ABLIM2: variants seen among roughly 807,000 people sequenced by gnomAD.
ABLIM2 encodes actin-binding LIM protein 2.
A neutral mutation model predicts 97.7 loss-of-function variants in ABLIM2; 53 were observed. That is an observed-to-expected ratio of 0.54 (90% CI 0.44 to 0.68). ABLIM2 has a LOEUF of 0.68. Ranked by LOEUF, ABLIM2 falls within the 30% of genes least tolerant of loss-of-function variation. The probability of loss-of-function intolerance (pLI) is 0.00; values close to 1 mark genes in which losing one functional copy is unlikely to be tolerated. For missense variants in ABLIM2, 835 were observed against 867.2 expected, an observed-to-expected ratio of 0.96 and a Z score of 0.47; for synonymous variants, 361 against 345.8, an observed-to-expected ratio of 1.04 and a Z score of -0.49.
In ABLIM2 at chr4:8,027,708, C is replaced by T. The variant is rs184871423; in HGVS notation, c.1267+51G>A. On this transcript the variant is annotated intron_variant, in intron 12 of 20. Coordinates refer to ENST00000447017, the MANE Select transcript of ABLIM2 (RefSeq NM_001130083.2). ...ACATGGACAGCGAGCACACAGACGC[C>T]GGGCGTGGACACCCATGAGCACCCA... 2.2e-4 allele frequency: 309 copies of T among 1,400,282 alleles called. No individual in the cohort carries two copies. In the African/African-American group the frequency reaches 4.1e-3, roughly 18 times the overall value. The allele number at this position is 1,400,282 out of a possible 1,614,324, so 86.7% of individuals were successfully genotyped here.
chr4:7,998,919 A>G lies in ABLIM2; in HGVS notation c.1619-5992T>C, dbSNP rs565563698. Among the ~76,000 whole-genome samples the G allele has an allele frequency of 9.9e-5, 15 of 152,250 alleles. No homozygotes were observed. ...CGTTTAGCTGTATGTAGCAGAGAAG[A>G]GCAGAGAGAGACGAGGCGACACTAT... On this transcript the variant is annotated intron_variant, in intron 16 of 20. Transcript: ENST00000447017. The surrounding 1 kb of genome is among the most constrained non-coding windows in gnomAD (Gnocchi z 6.4).
chr4:7,990,651 G>A (rs1037980036), intron 17 of ABLIM2, among the ~76,000 whole-genome samples: 16 of 152,038 alleles, frequency 1.1e-4, no homozygotes, highest in African/African-American at 2.4e-4. Context: ...ATCAAGAAAC[G>A]GCCTAGGAAA....
rs1477568898 is a variant in ABLIM2 at position 8,002,750 on chromosome 4, A to C, written c.1618+5309T>G. Among the ~76,000 whole-genome samples the C allele has an allele frequency of 1.3e-5, 2 of 152,128 alleles. No individual in the cohort carries two copies. The highest frequency in any genetic ancestry group is 6.5e-5 in the Admixed American group (1 of 15,276). ...GGCTTGAGTCCTCCCAAGGGCACACAAACTGCTCTGTGACCTGACGCATGG... is the reference window on the plus strand; with the variant it reads ...GGCTTGAGTCCTCCCAAGGGCACACCAACTGCTCTGTGACCTGACGCATGG... On this transcript the variant is annotated intron_variant, in intron 16 of 20. Coordinates refer to ENST00000447017, the MANE Select transcript of ABLIM2 (RefSeq NM_001130083.2). This position sits in a 1 kb window ranked among gnomAD's most constrained non-coding sequence, Gnocchi z 6.1.
In ABLIM2 at chr4:8,087,649, C is replaced by T. The variant is rs1824572402; in HGVS notation, c.454+520G>A. On this transcript the variant is annotated intron_variant, in intron 4 of 20. Transcript: ENST00000447017. This position sits in a 1 kb window ranked among gnomAD's most constrained non-coding sequence, Gnocchi z 4.6. ...TGGAAGGCTTCCTGGAGGAGGTATGCTAGAGCTGGGCAAAAGCAGCAGTGG... is the reference window on the plus strand; with the variant it reads ...TGGAAGGCTTCCTGGAGGAGGTATGTTAGAGCTGGGCAAAAGCAGCAGTGG... Among the ~76,000 whole-genome samples, 1 of 151,946 alleles carries T rather than the reference C, an allele frequency of 6.6e-6. No homozygotes were observed. The highest frequency in any genetic ancestry group is 2.1e-4 in the South Asian group (1 of 4,816).
At chr4:8,088,674 A>T (rs921094077) in intron 3 of ABLIM2, among the ~76,000 whole-genome samples, 22 of 152,354 alleles carry the variant, frequency 1.4e-4, no homozygotes, top group Admixed American at 9.1e-4. Context: ...GCTCAGCAGC[A>T]AGGACAGCAG....
At position 8,069,551 on chromosome 4, in the gene ABLIM2, G is replaced by C. The variant is rs1234630016; in HGVS notation, c.675+8077C>G. On this transcript the variant is annotated intron_variant, in intron 6 of 20. Transcript: ENST00000447017. This position sits in a 1 kb window ranked among gnomAD's most constrained non-coding sequence, Gnocchi z 4.2. ...CAGGAAGGCAGAGATGCGGCAAAGG[G>C]TGTGTGCGCATGTGCGTGTCTGTGT... Among the ~76,000 whole-genome samples the C allele has an allele frequency of 6.6e-6, 1 of 152,202 alleles. No homozygotes were observed. The highest frequency in any genetic ancestry group is 1.9e-4 in the East Asian group (1 of 5,184).
intron 17 of ABLIM2, chr4:7,989,539 T>C: frequency 1.9e-6 from 1 of 515,318 alleles, no homozygotes; most frequent in Non-Finnish European, 2.5e-6. Context: ...GTTCTCCTTT[T>C]ATACTATTAA....
At chr4:8,042,753 C>T (rs901245033) in intron 9 of ABLIM2, among the ~76,000 whole-genome samples, 1 of 149,170 alleles carries the variant, frequency 6.7e-6, no homozygotes, top group African/African-American at 2.5e-5. Context: ...GCAGGAGAAT[C>T]GCTTGAACCC....
At chr4:8,047,358 T>TTTC (rs1554003835) in intron 8 of ABLIM2, among the ~76,000 whole-genome samples, 2 of 149,040 alleles carry the variant, frequency 1.3e-5, no homozygotes, top group Non-Finnish European at 3.0e-5. Context: ...CCACCGCCTC[T>TTTC]TCCTCCTCCT....
At chr4:8,097,370 A>C in intron 2 of ABLIM2, 88 bp from the exon 3 acceptor site, 1 of 1,450,658 alleles carries the variant, frequency 6.9e-7, no homozygotes, top group Non-Finnish European at 9.3e-7. Context: ...CTCCACACAC[A>C]CACCACCACC....
intron 1 of ABLIM2, 93 bp downstream of exon 1, chr4:8,158,587 G>A: frequency 7.0e-7 from 1 of 1,422,622 alleles, no homozygotes. Flanking sequence ...ATTTTCCCCG[G>A]CGTTGCAGGT....
intron 1 of ABLIM2, among the ~76,000 whole-genome samples, chr4:8,109,982 T>C (rs1434015765): frequency 6.6e-6 from 1 of 152,176 alleles, no homozygotes; most frequent in Non-Finnish European, 1.5e-5. Context: ...TTAATAAAGA[T>C]GGTGGGGAGG....
chr4:8,091,319 T>TAA lies in ABLIM2; in HGVS notation c.339-3036_339-3035insTT, dbSNP rs1827403960. On this transcript the variant is annotated intron_variant, in intron 3 of 20. Coordinates refer to ENST00000447017, the MANE Select transcript of ABLIM2 (RefSeq NM_001130083.2). The stretch of plus-strand genomic sequence containing the variant: ...TATATATTATATTATATATATATAA[T>TAA]TATATATATATTATATATATAATAT... 7.3e-5 allele frequency among the ~76,000 whole-genome samples: 3 copies of TAA among 40,818 alleles called. 1 individual carries two copies. Among genetic ancestry groups the TAA allele is most frequent in the Non-Finnish European group, 1.0e-4 (2 of 20,006 alleles). 26.8% of individuals were successfully genotyped at this position (40,818 alleles called of 152,430 possible). A position where few individuals can be genotyped will look rare whatever the true frequency, so the allele number is the denominator to read the frequency against.
Position 8,072,714 on chromosome 4 carries a change from C to T in ABLIM2, c.675+4914G>A, listed in dbSNP as rs112053470. 5.3e-5 allele frequency among the ~76,000 whole-genome samples: 8 copies of T among 152,198 alleles called. No individual in the cohort carries two copies. Among genetic ancestry groups the T allele is most frequent in the African/African-American group, 1.7e-4 (7 of 41,462 alleles). On this transcript the variant is annotated intron_variant, in intron 6 of 20. Transcript: ENST00000447017. The surrounding 1 kb of genome is among the most constrained non-coding windows in gnomAD (Gnocchi z 5.8). ...GGGCACGTGGGTGGATCCAGCTGGA[C>T]GCCCAGGTGAGTGGTGGGAGGCAGT... is the stretch of plus-strand genomic sequence containing the variant.
In ABLIM2 at chr4:8,062,002, T is replaced by C. The variant is rs569827174; in HGVS notation, c.676-948A>G. 3.3e-5 allele frequency among the ~76,000 whole-genome samples: 5 copies of C among 151,858 alleles called. No homozygotes were observed. The East Asian group carries it at 9.7e-4, about 29-fold the overall frequency. On this transcript the variant is annotated intron_variant, in intron 6 of 20. Coordinates refer to ENST00000447017, the MANE Select transcript of ABLIM2 (RefSeq NM_001130083.2). ...CTCCTGCGCAGAGCCTGGTGTGGCC[T>C]CCTCTGCCAACCTCCGGGCCAGGTG...
intron 1 of ABLIM2, among the ~76,000 whole-genome samples, chr4:8,108,772 G>A (rs1043924830): frequency 3.3e-5 from 5 of 152,240 alleles, no homozygotes; most frequent in Non-Finnish European, 5.9e-5. Context: ...TTGCCTGCCT[G>A]TGTGGGCAAC....
Position 7,988,269 on chromosome 4 carries a change from C to T in ABLIM2, c.1681-3376G>A, listed in dbSNP as rs543958827. ...AACTCCTGACCTCAAGTGATCTGCC[C>T]GCCTTGGCCTCCCAAAGTGCTGGGA... On this transcript the variant is annotated intron_variant, in intron 17 of 20. Transcript: ENST00000447017. Among the ~76,000 whole-genome samples the T allele has an allele frequency of 1.3e-4, 20 of 152,262 alleles. 1 individual carries two copies. The South Asian group carries it at 1.7e-3, about 13-fold the overall frequency.
At chr4:8,039,542 C>G (rs1205571521) in intron 9 of ABLIM2, among the ~76,000 whole-genome samples, 1 of 152,210 alleles carries the variant, frequency 6.6e-6, no homozygotes, top group Non-Finnish European at 1.5e-5. Context: ...GGCGGAAGGT[C>G]TCTGGAGTGT....
chr4:8,053,941 G>A (rs76822226), intron 8 of ABLIM2, among the ~76,000 whole-genome samples: 10 of 152,186 alleles, frequency 6.6e-5, no homozygotes, highest in African/African-American at 9.6e-5. Context: ...TTCTTTTTAC[G>A]TAGATTACCT....
Sources: gnomAD v4.1 joint callset for allele counts (sites outside exome capture counted in the v4.1 genomes callset) on GRCh38, gnomAD v4.1.1 for gene constraint, Gnocchi (gnomAD v3.1) non-coding constraint, MANE v1.5 for transcripts, NCBI Gene and HGNC (gene_info 2026-07-23, HGNC 2026-07-21) for gene names.